ZNF407: variants seen among roughly 807,000 people sequenced by gnomAD.
The protein encoded by ZNF407 is zinc finger protein 407.
In ZNF407, 17 loss-of-function variants were observed where a neutral mutation model predicts 131.2. The ratio of observed to expected loss-of-function variants is 0.13; its 90% CI spans 0.09 to 0.19. The LOEUF (loss-of-function observed/expected upper bound fraction) is 0.19. Among genes scored for constraint, ZNF407 ranks in the 10% least tolerant of loss-of-function variants. The pLI, the probability that ZNF407 is intolerant of heterozygous loss-of-function variation, is 1.00. For missense variants in ZNF407, 2,681 were observed against 2,830.6 expected, an observed-to-expected ratio of 0.95 and a Z score of 1.20; for synonymous variants, 1,156 against 1,062.0, an observed-to-expected ratio of 1.09 and a Z score of -1.72.
chr18:74,699,196 T>C (rs1406084822), intron 3 of ZNF407, among the ~76,000 whole-genome samples: 4 of 152,198 alleles, frequency 2.6e-5, no homozygotes, highest in Non-Finnish European at 5.9e-5. Flanking sequence ...TTCTTCTGTA[T>C]TTCATTGCAA....
At chr18:74,622,530 CAA>C (rs1049139984) in intron 1 of ZNF407, among the ~76,000 whole-genome samples, 2 of 152,120 alleles carry the variant, frequency 1.3e-5, no homozygotes, top group African/African-American at 4.8e-5. Context: ...AGAGAAAGAA[CAA>C]AAGACCACTA....
At chr18:74,931,929 C>G (rs1334862798) in intron 8 of ZNF407, among the ~76,000 whole-genome samples, 2 of 151,944 alleles carry the variant, frequency 1.3e-5, no homozygotes, top group Admixed American at 6.5e-5. Context: ...TATTTTTGAC[C>G]TGAGACCTCT....
chr18:74,641,467 A>AT (rs1000393957), intron 3 of ZNF407, among the ~76,000 whole-genome samples: 29 of 151,420 alleles, frequency 1.9e-4, no homozygotes, highest in Middle Eastern at 6.8e-3. Context: ...ATGTATATGT[A>AT]TTTTTTTTTC....
At chr18:74,838,192 T>A (rs2145127443) in intron 4 of ZNF407, among the ~76,000 whole-genome samples, 1 of 152,338 alleles carries the variant, frequency 6.6e-6, no homozygotes, top group African/African-American at 2.4e-5. Context: ...TGTTTCCATT[T>A]CTATGCTTTT....
intron 8 of ZNF407, among the ~76,000 whole-genome samples, chr18:75,055,186 C>G (rs892545364): frequency 3.3e-5 from 5 of 152,218 alleles, no homozygotes; most frequent in Non-Finnish European, 5.9e-5. Context: ...GCTGGCACAT[C>G]AACTGGCTGT....
intron 6 of ZNF407, among the ~76,000 whole-genome samples, chr18:74,887,380 T>C (rs936184214): frequency 6.6e-6 from 1 of 152,146 alleles, no homozygotes; most frequent in Non-Finnish European, 1.5e-5. Flanking sequence ...ATGGGATTTA[T>C]CTTAAAGACA....
chr18:75,045,669 C>T (rs937008808), intron 8 of ZNF407, among the ~76,000 whole-genome samples: 22 of 152,248 alleles, frequency 1.4e-4, no homozygotes, highest in Middle Eastern at 3.4e-3. Flanking sequence ...TTTGCTGCAC[C>T]GTTTGTTCTC....
intron 3 of ZNF407, among the ~76,000 whole-genome samples, chr18:74,680,629 C>T (rs1966962134): frequency 6.6e-6 from 1 of 151,986 alleles, no homozygotes; most frequent in Admixed American, 6.5e-5. Flanking sequence ...ATGGTTGAAG[C>T]TGGTTTATAG....
chr18:74,981,101 C>T (rs778766249), intron 8 of ZNF407, among the ~76,000 whole-genome samples: 4 of 152,168 alleles, frequency 2.6e-5, no homozygotes, highest in African/African-American at 4.8e-5. Context: ...TTACTAATGC[C>T]GGGAAGCATC....
intron 1 of ZNF407, among the ~76,000 whole-genome samples, chr18:74,630,592 C>T (rs974073131): frequency 6.6e-6 from 1 of 152,050 alleles, no homozygotes; most frequent in Non-Finnish European, 1.5e-5. Context: ...ATATATTTTA[C>T]AGAGTAGGAG....
At chr18:74,693,149 A>G (rs941701094) in intron 3 of ZNF407, among the ~76,000 whole-genome samples, 1 of 152,176 alleles carries the variant, frequency 6.6e-6, no homozygotes, top group African/African-American at 2.4e-5. Flanking sequence ...CCTCCGCCCA[A>G]GCTGACATGT....
At chr18:74,653,353 G>A (rs898788158) in intron 3 of ZNF407, among the ~76,000 whole-genome samples, 1 of 151,774 alleles carries the variant, frequency 6.6e-6, no homozygotes, top group African/African-American at 2.4e-5. Flanking sequence ...AGAATATTGT[G>A]TCCATTAAAC....
chr18:74,774,494 A>G (rs1478237582), intron 3 of ZNF407, among the ~76,000 whole-genome samples: 1 of 152,208 alleles, frequency 6.6e-6, no homozygotes, highest in African/African-American at 2.4e-5. Flanking sequence ...GCATAATGGA[A>G]TGTGAACCTG....
At chr18:74,841,726 A>G (rs1970636537) in intron 4 of ZNF407, among the ~76,000 whole-genome samples, 1 of 152,230 alleles carries the variant, frequency 6.6e-6, no homozygotes, top group Non-Finnish European at 1.5e-5. Context: ...GTTTTAGAGC[A>G]ACACTGATGA....
chr18:75,064,087 GATC>G lies in ZNF407; in HGVS notation c.6372_6374del (p.Ile2124del). 1.3e-6 allele frequency: 2 copies of G among 1,590,420 alleles called. No homozygotes were observed. The highest frequency in any genetic ancestry group is 1.7e-6 in the Non-Finnish European group (2 of 1,169,210). On this transcript the variant is annotated inframe_deletion, in exon 9 of 9. Transcript: ENST00000299687. ...ACATGGTCGCCGGGGAGGGTGCCCA[GATC>G]ATCATGCAGGAGGCGCAGGGCGAGC... is the stretch of plus-strand genomic sequence containing the variant.
At chr18:74,861,650 A>G (rs528294327) in intron 4 of ZNF407, among the ~76,000 whole-genome samples, 42 of 152,342 alleles carry the variant, frequency 2.8e-4, no homozygotes, top group African/African-American at 9.6e-4. Flanking sequence ...GTAGCCTACC[A>G]TATCGATAAC....
chr18:74,617,180 A>ACGCACCACACACATCCATATCCACGCAC (rs1983350419), intron 1 of ZNF407, among the ~76,000 whole-genome samples: 2 of 152,032 alleles, frequency 1.3e-5, no homozygotes, highest in Non-Finnish European at 1.5e-5. Context: ...ATCCATATCC[A>ACGCACCACACACATCCATATCCACGCAC]CACACATCGA....
chr18:74,613,824 T>C (rs1983168390), intron 1 of ZNF407, among the ~76,000 whole-genome samples: 1 of 152,220 alleles, frequency 6.6e-6, no homozygotes, highest in South Asian at 2.1e-4. Context: ...CATAGTTGTT[T>C]TAAAGAAAAA....
intron 3 of ZNF407, among the ~76,000 whole-genome samples, chr18:74,649,318 AAATC>A (rs1985120078): frequency 6.6e-6 from 1 of 152,180 alleles, no homozygotes. Context: ...AATTCTTATA[AAATC>A]TGGCTAAATG....
Sources: gnomAD v4.1 joint callset for allele counts (sites outside exome capture counted in the v4.1 genomes callset) on GRCh38, gnomAD v4.1.1 for gene constraint, MANE v1.5 for transcripts, NCBI Gene and HGNC (gene_info 2026-07-23, HGNC 2026-07-21) for gene names.